Variants in ZNF585B observed in about 807,000 individuals in gnomAD.
ZNF585B encodes zinc finger protein 41-like protein.
ZNF585B carries 7 observed loss-of-function variants against 14.0 expected under a neutral mutation model. That is an observed-to-expected ratio of 0.50 (90% CI 0.28 to 0.94). The LOEUF (loss-of-function observed/expected upper bound fraction) is 0.94, where lower values mean the gene tolerates loss of function less well. ZNF585B is among the 40% of genes least tolerant of loss of function. The pLI, the probability that ZNF585B is intolerant of heterozygous loss-of-function variation, is 0.09. For missense variants in ZNF585B, 750 were observed against 924.4 expected, an observed-to-expected ratio of 0.81 and a Z score of 2.45; for synonymous variants, 290 against 317.3, an observed-to-expected ratio of 0.91 and a Z score of 0.91.
chr19:37,206,404 T>C (rs1257032333), intron 2 of ZNF585B, among the ~76,000 whole-genome samples: 2 of 150,686 alleles, frequency 1.3e-5, no homozygotes, highest in African/African-American at 4.9e-5. Flanking sequence ...TGAGCCGAGA[T>C]CATGCCATTG....
chr19:37,208,590 G>C (rs904081528), intron 1 of ZNF585B, among the ~76,000 whole-genome samples: 1 of 100,748 alleles, frequency 9.9e-6, no homozygotes, highest in Admixed American at 1.0e-4. Flanking sequence ...AAGCAAAAAA[G>C]GCCAAAAAAA....
rs369605522 is a variant in ZNF585B, at chr19:37,185,848, T to C, written c.1689A>G (p.Ser563=). ...HECGKAFNQK[S]ILIVHQKIHT... is the part of the protein sequence containing the mutation. ...GAATTTTCTGATGAACAATGAGTAT[T>C]GATTTCTGGTTGAAGGCTTTCCCAC... Residue 563 remains serine, a synonymous_variant, in exon 5 of 5, where the codon TCA becomes TCG. Transcript: ENST00000532828. The C allele has an allele frequency of 1.2e-6, 2 of 1,612,632 alleles. No individual in the cohort carries two copies. Among genetic ancestry groups the C allele is most frequent in the Non-Finnish European group, 1.7e-6 (2 of 1,179,454 alleles).
intron 4 of ZNF585B, chr19:37,189,435 T>G: frequency 1.9e-6 from 1 of 528,144 alleles, no homozygotes; most frequent in Non-Finnish European, 3.4e-6. Context: ...TAATAAAGAT[T>G]TATCTTTAAT....
rs1229306439 is a variant in ZNF585B, at chr19:37,186,588, G to C, written c.949C>G (p.Gln317Glu). The change falls in exon 5 of 5, where the codon CAA becomes GAA. Residue 317 changes from glutamine (Q) to glutamate (E), a missense_variant. By Grantham distance (29) the Gln-to-Glu change is conservative. Transcript: ENST00000532828. The stretch of plus-strand genomic sequence containing the variant: ...GGCTTCACTCTTGTGTGAACACGTT[G>C]ATGTACCTGAAGTTGTGACTTGGAA... ...FISKSQLQVH[Q>E]RVHTRVKPYI... 1.2e-6 allele frequency: 2 copies of C among 1,614,064 alleles called. No homozygotes were observed. Among genetic ancestry groups the C allele is most frequent in the African/African-American group, 1.3e-5 (1 of 74,918 alleles).
At chr19:37,195,537 TATC>T (rs1972456525) in intron 2 of ZNF585B, among the ~76,000 whole-genome samples, 1 of 151,670 alleles carries the variant, frequency 6.6e-6, no homozygotes, top group African/African-American at 2.4e-5. Flanking sequence ...AAACAGGAAA[TATC>T]ATGACAGATT....
Position 37,207,137 on chromosome 19 carries a change from T to C in ZNF585B, c.-26A>G. 2 of 1,613,882 alleles carry C rather than the reference T, an allele frequency of 1.2e-6. No individual in the cohort carries two copies. The highest frequency in any genetic ancestry group is 1.1e-5 in the South Asian group (1 of 91,084). On this transcript the variant is annotated 5_prime_UTR_variant, in exon 2 of 5. Transcript: ENST00000532828. Reference sequence around the variant, plus strand: ...GGCCACACTGGATCTCAACCCTTTTTGTCTAGGGTGCCTGAAGTTTAGTGG... The same window carrying C: ...GGCCACACTGGATCTCAACCCTTTTCGTCTAGGGTGCCTGAAGTTTAGTGG...
At chr19:37,200,076 T>G (rs982674596) in intron 2 of ZNF585B, among the ~76,000 whole-genome samples, 1 of 149,116 alleles carries the variant, frequency 6.7e-6, no homozygotes, top group Non-Finnish European at 1.5e-5. Flanking sequence ...TAAAATAAAA[T>G]AAAATAAAAT....
intron 1 of ZNF585B, 85 bp from the exon 2 acceptor site, chr19:37,207,339 G>T: frequency 1.9e-6 from 2 of 1,065,548 alleles, no homozygotes; most frequent in Non-Finnish European, 2.5e-6. Context: ...CCCTGCGCTA[G>T]AAACCAGAGC....
Position 37,207,056 on chromosome 19 carries a change from T to C in ZNF585B, c.56A>G (p.His19Arg), listed in dbSNP as rs760460837. Residue 19 changes from histidine (H) to arginine (R), a missense_variant, in exon 2 of 5, where the codon CAT becomes CGT. By Grantham distance (29) the His-to-Arg change is conservative. This residue lies in a region of ZNF585B where 517 missense variants were observed against 570.3 expected (regional missense o/e 0.91). Transcript: ENST00000532828. ...CCTCCTCACCTCATAGGAGCTGCCA[T>C]GATCCTCTGGAGCCAGGGCTGAGGA... Reference protein sequence around the residue: ...QKSSALAPEDHGSSYEGSVSF... With the variant: ...QKSSALAPEDRGSSYEGSVSF... 2.5e-6 allele frequency: 4 copies of C among 1,614,114 alleles called. No individual in the cohort carries two copies. Among genetic ancestry groups the C allele is most frequent in the Non-Finnish European group, 3.4e-6 (4 of 1,180,030 alleles).
At position 37,186,176 on chromosome 19, in the gene ZNF585B, T is replaced by C; in HGVS notation, c.1361A>G (p.His454Arg). The C allele has an allele frequency of 2.5e-6, 4 of 1,614,198 alleles. No individual in the cohort carries two copies. The highest frequency in any genetic ancestry group is 1.6e-4 in the Middle Eastern group (1 of 6,062). ...TCCTGTGTGAATTCGTTTATGAACA[T>C]GGAGTTGTGACTTGGAAGTAAACAA... The part of the protein sequence containing the change: ...GKLFTSKSQL[H>R]VHKRIHTGEK... The change falls in exon 5 of 5, where the codon CAT becomes CGT. Residue 454 changes from histidine to arginine, a missense_variant. Around this residue, in one of 2 missense-constraint regions of ZNF585B, gnomAD observed 517 missense variants for 570.3 expected, o/e 0.91. Transcript: ENST00000532828.
At chr19:37,191,793 G>A (rs1399779640) in intron 2 of ZNF585B, among the ~76,000 whole-genome samples, 3 of 152,022 alleles carry the variant, frequency 2.0e-5, no homozygotes, top group Non-Finnish European at 4.4e-5. Flanking sequence ...CATCACTTTG[G>A]GACGCCGAGG....
chr19:37,193,396 G>A (rs1599764840), intron 2 of ZNF585B, among the ~76,000 whole-genome samples: 2 of 150,156 alleles, frequency 1.3e-5, no homozygotes, highest in South Asian at 2.1e-4. Context: ...GCGTGAACCC[G>A]GGAGGCAGAG....
At chr19:37,197,104 A>G (rs568142063) in intron 2 of ZNF585B, among the ~76,000 whole-genome samples, 33 of 152,132 alleles carry the variant, frequency 2.2e-4, no homozygotes, top group Admixed American at 9.8e-4. Flanking sequence ...TACATTAGGT[A>G]TTTCTCCTAA....
chr19:37,192,192 T>C (rs1972409138), intron 2 of ZNF585B, among the ~76,000 whole-genome samples: 1 of 152,036 alleles, frequency 6.6e-6, no homozygotes, highest in Non-Finnish European at 1.5e-5. Context: ...CAACCTGAAA[T>C]ACATAGAAAA....
rs532538505 is a variant in ZNF585B at position 37,186,650 on chromosome 19, T to G, written c.887A>C (p.Lys296Thr). The G allele has an allele frequency of 3.7e-6, 6 of 1,614,176 alleles. No homozygotes were observed. In the African/African-American group the frequency reaches 6.7e-5, roughly 18 times the overall value. Residue 296 changes from lysine to threonine, a missense_variant, in exon 5 of 5, where the codon AAA becomes ACA. Physicochemically the swap from Lys to Thr is moderately conservative, Grantham distance 78 (BLOSUM62 -1). Around this residue, in one of 2 missense-constraint regions of ZNF585B, gnomAD observed 517 missense variants for 570.3 expected, o/e 0.91. Transcript: ENST00000532828. ...GCCACAGTTATTGCATTCATATGGT[T>G]TTTCTCCACTATGAATTCTTCGGTG... is the stretch of plus-strand genomic sequence containing the variant. ...IAHRRIHSGE[K>T]PYECNNCGKS...
intron 1 of ZNF585B, among the ~76,000 whole-genome samples, chr19:37,208,593 CA>C (rs35187925): frequency 0.52 from 74,263 of 143,124 alleles, 19,220 homozygotes; most frequent in East Asian, 0.68. Context: ...CAAAAAAGGC[CA>C]AAAAAAAAAA....
At chr19:37,196,590 C>T (rs1323889592) in intron 2 of ZNF585B, among the ~76,000 whole-genome samples, 1 of 152,072 alleles carries the variant, frequency 6.6e-6, no homozygotes. Context: ...TTACCTTCAC[C>T]TCTTCCCCCT....
intron 2 of ZNF585B, among the ~76,000 whole-genome samples, chr19:37,196,309 T>C (rs1599765901): frequency 6.6e-6 from 1 of 152,206 alleles, no homozygotes; most frequent in East Asian, 1.9e-4. Context: ...TATCATTTTG[T>C]AATTCTCTGT....
chr19:37,194,611 C>T (rs2145437349), intron 2 of ZNF585B, among the ~76,000 whole-genome samples: 1 of 152,240 alleles, frequency 6.6e-6, no homozygotes, highest in South Asian at 2.1e-4. Flanking sequence ...AAGACTCCAT[C>T]TCAAAAACAA....
Sources: gnomAD v4.1 joint callset for allele counts (sites outside exome capture counted in the v4.1 genomes callset) on GRCh38, gnomAD v4.1.1 for gene constraint, gnomAD v4.1.1 regional missense constraint, MANE v1.5 for transcripts, NCBI Gene and HGNC (gene_info 2026-07-23, HGNC 2026-07-21) for gene names.